Variants in SDK1 observed in about 807,000 individuals in gnomAD.
SDK1 encodes sidekick cell adhesion molecule 1, also known as protein sidekick-1.
SDK1 carries 157 observed loss-of-function variants against 245.5 expected under a neutral mutation model. The observed-to-expected ratio is 0.64, with a 90% CI of 0.56 to 0.73. The LOEUF is 0.73. Among genes scored for constraint, SDK1 ranks in the 30% least tolerant of loss-of-function variants. The probability of loss-of-function intolerance (pLI) is 0.00; values close to 1 mark genes in which losing one functional copy is unlikely to be tolerated. For synonymous variants in SDK1, 1,647 were observed against 1,278.5 expected (o/e 1.29, Z -6.15); for missense variants, 3,583 against 3,002.3 (o/e 1.19, Z -4.52).
intron 2 of SDK1, 48 bp downstream of exon 2, chr7:3,619,287 T>G: frequency 3.3e-6 from 5 of 1,528,072 alleles, no homozygotes; most frequent in Middle Eastern, 1.7e-4. Flanking sequence ...TTGATGTGTT[T>G]GGAATACTTG....
chr7:3,777,362 T>C (rs1780598020), intron 4 of SDK1, among the ~76,000 whole-genome samples: 1 of 152,262 alleles, frequency 6.6e-6, no homozygotes, highest in Non-Finnish European at 1.5e-5. Context: ...TGAGGAAGAC[T>C]TTATGGCTAT....
At chr7:4,185,326 C>A (rs1222625820) in intron 35 of SDK1, among the ~76,000 whole-genome samples, 1 of 152,216 alleles carries the variant, frequency 6.6e-6, no homozygotes, top group East Asian at 1.9e-4. Flanking sequence ...CCACATTCCA[C>A]AGCGTTCCGG....
chr7:4,170,244 C>G (rs60138361), intron 32 of SDK1, among the ~76,000 whole-genome samples: 1 of 152,092 alleles, frequency 6.6e-6, no homozygotes, highest in Admixed American at 6.5e-5. Flanking sequence ...CCCAGTAGTT[C>G]GAGACCAGCC....
intron 5 of SDK1, among the ~76,000 whole-genome samples, chr7:3,884,106 G>C (rs10228397): frequency 6.7e-6 from 1 of 149,150 alleles, no homozygotes; most frequent in African/African-American, 2.5e-5. Flanking sequence ...TTTGAGACAG[G>C]GTCTCGCTGT....
At chr7:3,807,309 A>G (rs1441066798) in intron 4 of SDK1, among the ~76,000 whole-genome samples, 1 of 152,206 alleles carries the variant, frequency 6.6e-6, no homozygotes, top group Admixed American at 6.5e-5. Flanking sequence ...CTATCAGGAT[A>G]GGAAGGGGAA....
rs80161115 is a variant in SDK1 at position 3,657,192 on chromosome 7, C to T, written c.713+15087C>T. Among the ~76,000 whole-genome samples, 1,100 of 152,290 alleles carry T rather than the reference C, an allele frequency of 7.2e-3. 15 individuals are homozygous for T. The highest frequency in any genetic ancestry group is 0.025 in the African/African-American group (1,025 of 41,558). ...GGGTGTGTGTCCCACCCAGGGCATTCGTGCACCTTAGGGCTGGGGCCATGA... is the reference window on the plus strand; with the variant it reads ...GGGTGTGTGTCCCACCCAGGGCATTTGTGCACCTTAGGGCTGGGGCCATGA... On this transcript the variant is annotated intron_variant, in intron 4 of 44. Transcript: ENST00000404826.
At chr7:3,798,750 G>A (rs1779031298) in intron 4 of SDK1, among the ~76,000 whole-genome samples, 1 of 152,182 alleles carries the variant, frequency 6.6e-6, no homozygotes, top group South Asian at 2.1e-4. Context: ...CGGCCCACAT[G>A]CAAGGGGAGA....
intron 5 of SDK1, among the ~76,000 whole-genome samples, chr7:3,885,147 G>A (rs1482904574): frequency 6.6e-6 from 1 of 152,182 alleles, no homozygotes; most frequent in Non-Finnish European, 1.5e-5. Context: ...GGGAATGAGG[G>A]ATGTCCACAA....
intron 4 of SDK1, among the ~76,000 whole-genome samples, chr7:3,814,506 G>A (rs1241668188): frequency 6.6e-6 from 1 of 151,850 alleles, no homozygotes; most frequent in Admixed American, 6.6e-5. Context: ...TGCTGTTTTG[G>A]TTACTGTAGC....
rs546456550 is a variant in SDK1 at position 4,254,266 on chromosome 7, G to A, written c.6381+8461G>A. 1.3e-5 allele frequency among the ~76,000 whole-genome samples: 2 copies of A among 151,648 alleles called. 1 individual carries two copies. Among genetic ancestry groups the A allele is most frequent in the South Asian group, 4.2e-4 (2 of 4,788 alleles). On this transcript the variant is annotated intron_variant, in intron 44 of 44. Coordinates refer to ENST00000404826, the MANE Select transcript of SDK1 (RefSeq NM_152744.4). The stretch of plus-strand genomic sequence containing the variant: ...TGATATTCTTATTATACGTATGTTG[G>A]TGCTGTTAGTGCTGTCTTATATTTA...
intron 5 of SDK1, among the ~76,000 whole-genome samples, chr7:3,936,986 G>A (rs1027959418): frequency 2.0e-5 from 3 of 152,290 alleles, no homozygotes; most frequent in Middle Eastern, 3.4e-3. Context: ...GTTGGAACTC[G>A]GAGAGGCTGT....
At chr7:3,657,850 G>T (rs1362737424) in intron 4 of SDK1, among the ~76,000 whole-genome samples, 1 of 152,188 alleles carries the variant, frequency 6.6e-6, no homozygotes, top group East Asian at 1.9e-4. Context: ...GACTGCAGGG[G>T]GAAAGAAAGT....
chr7:4,030,776 C>T (rs1242021864), intron 17 of SDK1, among the ~76,000 whole-genome samples: 2 of 152,216 alleles, frequency 1.3e-5, no homozygotes, highest in Non-Finnish European at 2.9e-5. Context: ...CGCTGTGTTT[C>T]ATCTGGCAAT....
chr7:4,130,286 A>G (rs1465253502), intron 27 of SDK1, 189 bp downstream of exon 27: 1 of 625,952 alleles, frequency 1.6e-6, no homozygotes, highest in Non-Finnish European at 2.7e-6. Flanking sequence ...CCTGGAGTGG[A>G]TTTTTACAGC....
chr7:3,565,106 CTT>C (rs78415022), intron 1 of SDK1, among the ~76,000 whole-genome samples: 19 of 143,396 alleles, frequency 1.3e-4, no homozygotes, highest in Admixed American at 2.1e-4. Flanking sequence ...ACTTTTATTA[CTT>C]TTTTTTTTTT....
intron 4 of SDK1, among the ~76,000 whole-genome samples, chr7:3,650,632 A>T (rs1424991813): frequency 6.6e-6 from 1 of 152,228 alleles, no homozygotes. Flanking sequence ...ACTTTGATAC[A>T]TCAACAAACA....
chr7:4,185,972 G>T (rs145343172), intron 35 of SDK1, among the ~76,000 whole-genome samples: 1 of 152,122 alleles, frequency 6.6e-6, no homozygotes, highest in African/African-American at 2.4e-5. Flanking sequence ...GGATGGAGCG[G>T]CTCCAGGGCC....
intron 1 of SDK1, among the ~76,000 whole-genome samples, chr7:3,616,419 C>G (rs1375060622): frequency 6.6e-6 from 1 of 152,208 alleles, no homozygotes; most frequent in Non-Finnish European, 1.5e-5. Flanking sequence ...CAGTCACTCT[C>G]TTTGCACCTG....
At chr7:4,161,128 C>T (rs1033658975) in intron 31 of SDK1, among the ~76,000 whole-genome samples, 1 of 152,120 alleles carries the variant, frequency 6.6e-6, no homozygotes, top group Non-Finnish European at 1.5e-5. Context: ...GCAGAGGAGG[C>T]AGGGAAGAGG....
Sources: gnomAD v4.1 joint callset for allele counts (sites outside exome capture counted in the v4.1 genomes callset) on GRCh38, gnomAD v4.1.1 for gene constraint, MANE v1.5 for transcripts, NCBI Gene and HGNC (gene_info 2026-07-23, HGNC 2026-07-21) for gene names.